The following FAM20C variants were observed in gnomAD, a reference collection of about 807,000 sequenced individuals.
The protein encoded by FAM20C is FAM20C golgi associated secretory pathway kinase, also known as extracellular serine/threonine protein kinase FAM20C.
A neutral mutation model predicts 51.5 loss-of-function variants in FAM20C; 40 were observed. The ratio of observed to expected loss-of-function variants is 0.78; its 90% CI spans 0.60 to 1.01. The LOEUF is 1.01. Ranked by LOEUF, FAM20C falls within the 50% of genes least tolerant of loss-of-function variation. FAM20C has a pLI of 0.00. For synonymous variants in FAM20C, 406 were observed against 380.6 expected (o/e 1.07, Z -0.78); for missense variants, 861 against 844.7 (o/e 1.02, Z -0.24).
intron 3 of FAM20C, among the ~76,000 whole-genome samples, chr7:210,323 AGGCTCAGCCAGGAGAGAT>A (rs551155383): frequency 6.6e-6 from 1 of 152,226 alleles, no homozygotes; most frequent in Admixed American, 6.5e-5. Flanking sequence ...CCGGTTGAGG[AGGCTCAGCCAGGAGAGAT>A]GGCGTCGCCC....
intron 3 of FAM20C, among the ~76,000 whole-genome samples, chr7:211,187 C>CGT (rs747135632): frequency 0.11 from 15,200 of 141,606 alleles, 1,206 homozygotes; most frequent in African/African-American, 0.18. Context: ...CCCCCAACCT[C>CGT]CCTCAGCCTC....
chr7:220,982 C>T (rs1230946854), intron 3 of FAM20C, among the ~76,000 whole-genome samples: 7 of 125,672 alleles, frequency 5.6e-5, no homozygotes, highest in Non-Finnish European at 1.2e-4. Flanking sequence ...GGCGGAGGCT[C>T]GTCTCCAGCA....
chr7:201,749 G>A (rs972124181), intron 2 of FAM20C, among the ~76,000 whole-genome samples: 1 of 152,206 alleles, frequency 6.6e-6, no homozygotes, highest in Non-Finnish European at 1.5e-5. Context: ...TCCTTCTGAG[G>A]AGGCAACTGC....
intron 5 of FAM20C, among the ~76,000 whole-genome samples, chr7:249,887 C>T (rs1788329984): frequency 1.3e-5 from 2 of 152,200 alleles, no homozygotes; most frequent in Admixed American, 6.5e-5. Context: ...GGGACACTCT[C>T]CTACCTGTCC....
chr7:259,458 C>CTA (rs1788780638), intron 9 of FAM20C, among the ~76,000 whole-genome samples: 2 of 137,292 alleles, frequency 1.5e-5, no homozygotes, highest in Non-Finnish European at 1.5e-5. Context: ...CTGTCTCTGT[C>CTA]TCTCTCTCTG....
chr7:255,580 A>G (rs990684084), intron 5 of FAM20C, among the ~76,000 whole-genome samples: 18 of 152,236 alleles, frequency 1.2e-4, no homozygotes, highest in African/African-American at 4.1e-4. Context: ...TGTTGGCCCT[A>G]GGGTTTCCAT....
At chr7:210,687 G>C (rs139483004) in intron 3 of FAM20C, among the ~76,000 whole-genome samples, 1 of 152,094 alleles carries the variant, frequency 6.6e-6, no homozygotes, top group African/African-American at 2.4e-5. Context: ...GCCGAGCTAC[G>C]GGACCTTGAG....
chr7:217,490 T>C lies in FAM20C; in HGVS notation c.863+8514T>C, dbSNP rs188684960. 9.7e-3 allele frequency among the ~76,000 whole-genome samples: 108 copies of C among 11,172 alleles called. 2 individuals carry two copies. The East Asian group carries it at 0.25, about 26-fold the overall frequency. 7.3% of individuals were successfully genotyped at this position (11,172 alleles called of 152,430 possible). A position where few individuals can be genotyped will look rare whatever the true frequency, so the allele number is the denominator to read the frequency against. ...TGGACCTGGGGGAATTTCAGGGCCATCCTGGGGGGCGGTGCTGAGATGGTG... is the reference window on the plus strand; with the variant it reads ...TGGACCTGGGGGAATTTCAGGGCCACCCTGGGGGGCGGTGCTGAGATGGTG... On this transcript the variant is annotated intron_variant, in intron 3 of 9. Coordinates refer to ENST00000313766, the MANE Select transcript of FAM20C (RefSeq NM_020223.4).
chr7:256,915 G>A, intron 7 of FAM20C, 90 bp from the exon 8 acceptor site: 1 of 1,459,536 alleles, frequency 6.9e-7, no homozygotes, highest in Non-Finnish European at 9.3e-7. Flanking sequence ...ACGCTGGCAG[G>A]AGGAGACGCC....
At chr7:204,429 C>T (rs1786258725) in intron 2 of FAM20C, among the ~76,000 whole-genome samples, 1 of 152,242 alleles carries the variant, frequency 6.6e-6, no homozygotes, top group African/African-American at 2.4e-5. Context: ...TGAGCCCAGC[C>T]CCAGTCTTGA....
chr7:193,751 C>T lies in FAM20C; in HGVS notation c.552C>T (p.Phe184=), dbSNP rs1450164649. The change falls in exon 1 of 10, where the codon TTC becomes TTT. Residue 184 remains phenylalanine, a synonymous_variant. Coordinates refer to ENST00000313766, the MANE Select transcript of FAM20C (RefSeq NM_020223.4). ...VPPLTEEDVL[F]NVNSDTRLSP... ...CGCTCACGGAGGAGGACGTCCTGTT[C>T]AATGTGAACAGCGACACCAGGCTCA... 1 of 1,549,330 alleles carries T rather than the reference C, an allele frequency of 6.5e-7. No individual in the cohort carries two copies. Among genetic ancestry groups the T allele is most frequent in the African/African-American group, 1.4e-5 (1 of 73,020 alleles).
intron 3 of FAM20C, 28 bp from the exon 4 acceptor site, chr7:246,387 C>T (rs761615358): frequency 2.7e-5 from 40 of 1,502,110 alleles, no homozygotes; most frequent in East Asian, 1.0e-4. Context: ...AGTGACAAAC[C>T]GTTTCTGTTT....
rs112797012 is a variant in FAM20C, at chr7:228,714, G to A, written c.864-17701G>A. 2,474 of 456,222 alleles carry A rather than the reference G, an allele frequency of 5.4e-3. 68 individuals are homozygous for A. Among genetic ancestry groups the A allele is most frequent in the African/African-American group, 0.041 (2,034 of 50,154 alleles). 28.3% of individuals were successfully genotyped at this position (456,222 alleles called of 1,614,324 possible). On this transcript the variant is annotated intron_variant, in intron 3 of 9. Coordinates refer to ENST00000313766, the MANE Select transcript of FAM20C (RefSeq NM_020223.4). ...TCTCAGCACAGCTGCCAGCCTCCACGGCACCTGTGGGTCCATCCCACATCC... is the reference window on the plus strand; with the variant it reads ...TCTCAGCACAGCTGCCAGCCTCCACAGCACCTGTGGGTCCATCCCACATCC...
chr7:218,029 C>G (rs945352369), intron 3 of FAM20C, among the ~76,000 whole-genome samples: 1 of 152,162 alleles, frequency 6.6e-6, no homozygotes, highest in African/African-American at 2.4e-5. Flanking sequence ...GTTAGCAGGA[C>G]GTGTGAGGCC....
At chr7:236,574 G>A (rs922149974) in intron 3 of FAM20C, among the ~76,000 whole-genome samples, 12 of 152,224 alleles carry the variant, frequency 7.9e-5, no homozygotes, top group African/African-American at 2.9e-4. Context: ...CTGCAGAAAG[G>A]GAAACTGAGG....
rs28536700 is a variant in FAM20C at position 206,026 on chromosome 7, A to G, written c.785-2872A>G. 5.9e-3 allele frequency among the ~76,000 whole-genome samples: 894 copies of G among 151,794 alleles called. 10 individuals are homozygous for G. Among genetic ancestry groups the G allele is most frequent in the African/African-American group, 0.021 (861 of 41,348 alleles). ...CTCCTGCAGGGCTGGGCCCTCCCCG[A>G]GCTCCACGCCCTCAGCACACGCGCG... On this transcript the variant is annotated intron_variant, in intron 2 of 9. Coordinates refer to ENST00000313766, the MANE Select transcript of FAM20C (RefSeq NM_020223.4).
chr7:207,787 C>T (rs1039115011), intron 2 of FAM20C, among the ~76,000 whole-genome samples: 3 of 152,176 alleles, frequency 2.0e-5, no homozygotes, highest in African/African-American at 7.2e-5. Flanking sequence ...CCTGGAGGCC[C>T]TCGCTGTGGC....
At chr7:199,832 T>G (rs1006848966) in intron 2 of FAM20C, among the ~76,000 whole-genome samples, 8 of 152,190 alleles carry the variant, frequency 5.3e-5, no homozygotes, top group African/African-American at 1.7e-4. Flanking sequence ...ATTTCTATCA[T>G]GCACAATTAT....
intron 3 of FAM20C, among the ~76,000 whole-genome samples, chr7:231,999 C>T (rs1228355580): frequency 3.3e-5 from 5 of 152,194 alleles, no homozygotes; most frequent in African/African-American, 4.8e-5. Context: ...TCTCTGCCGC[C>T]GACCCGGCAT....
Sources: allele counts gnomAD v4.1 joint callset (sites outside exome capture counted in the v4.1 genomes callset), GRCh38; gene constraint gnomAD v4.1.1; transcripts MANE v1.5; gene names NCBI Gene and HGNC (gene_info 2026-07-23, HGNC 2026-07-21).